The following ABCA12 variants were observed in gnomAD, a reference collection of about 807,000 sequenced individuals.
ABCA12 encodes the protein ATP binding cassette subfamily A member 12, also known as glucosylceramide transporter ABCA12.
Under a neutral mutation model 293.5 loss-of-function variants are expected in ABCA12, and 156 were observed. That is an observed-to-expected ratio of 0.53 (90% CI 0.47 to 0.61). The LOEUF (loss-of-function observed/expected upper bound fraction) is 0.61, where lower values mean the gene tolerates loss of function less well. Among genes scored for constraint, ABCA12 ranks in the 20% least tolerant of loss-of-function variants. ABCA12 has a pLI of 0.00. For synonymous variants in ABCA12, 1,063 were observed against 1,108.0 expected, an observed-to-expected ratio of 0.96 and a Z score of 0.81; for missense variants, 2,797 against 3,090.2, an observed-to-expected ratio of 0.91 and a Z score of 2.25.
chr2:215,034,091 A>G, intron 8 of ABCA12, among the ~76,000 whole-genome samples: 1 of 152,314 alleles, frequency 6.6e-6, no homozygotes, highest in South Asian at 2.1e-4. Context: ...TAAAAATGTA[A>G]TTTTATATAA....
intron 9 of ABCA12, among the ~76,000 whole-genome samples, chr2:215,031,128 A>G (rs1479569534): frequency 1.3e-5 from 2 of 152,206 alleles, no homozygotes; most frequent in African/African-American, 2.4e-5. Context: ...AATGGTCTTT[A>G]GACAGCATGG....
At chr2:215,063,926 A>G (rs1701586511) in intron 3 of ABCA12, 140 bp downstream of exon 3, 1 of 1,030,306 alleles carries the variant, frequency 9.7e-7, no homozygotes. Context: ...CTACTTTGTT[A>G]TTTCATATTT....
intron 7 of ABCA12, among the ~76,000 whole-genome samples, chr2:215,041,754 A>C (rs1181691195): frequency 6.6e-6 from 1 of 152,208 alleles, no homozygotes; most frequent in African/African-American, 2.4e-5. Context: ...CAAAATGTGG[A>C]GATAACCTAA....
chr2:215,102,670 A>G (rs1702383821), intron 2 of ABCA12, among the ~76,000 whole-genome samples: 1 of 152,202 alleles, frequency 6.6e-6, no homozygotes, highest in South Asian at 2.1e-4. Context: ...CTCAACAAGC[A>G]TCTTCCTTTT....
At chr2:215,079,263 G>A (rs1222383370) in intron 2 of ABCA12, among the ~76,000 whole-genome samples, 1 of 152,194 alleles carries the variant, frequency 6.6e-6, no homozygotes, top group Non-Finnish European at 1.5e-5. Flanking sequence ...AAATCTTCCT[G>A]TAGACAGTGG....
At chr2:215,096,398 G>A (rs1448149226) in intron 2 of ABCA12, among the ~76,000 whole-genome samples, 1 of 152,076 alleles carries the variant, frequency 6.6e-6, no homozygotes, top group Non-Finnish European at 1.5e-5. Flanking sequence ...TTCTCTAAGA[G>A]TTTTGATTTT....
chr2:215,113,741 A>G (rs1244944255), intron 1 of ABCA12, among the ~76,000 whole-genome samples: 1 of 152,130 alleles, frequency 6.6e-6, no homozygotes, highest in African/African-American at 2.4e-5. Flanking sequence ...GCTTGTTATT[A>G]ACATTTAGTA....
intron 44 of ABCA12, 91 bp downstream of exon 44, chr2:214,953,763 A>G: frequency 6.8e-7 from 1 of 1,466,932 alleles, no homozygotes; most frequent in African/African-American, 1.4e-5. Context: ...CCATATTACC[A>G]ATGGAAAAGC....
At chr2:214,969,476 T>A (rs1303423477) in intron 37 of ABCA12, among the ~76,000 whole-genome samples, 1 of 152,100 alleles carries the variant, frequency 6.6e-6, no homozygotes, top group Non-Finnish European at 1.5e-5. Flanking sequence ...CTAAATGTAG[T>A]GCTATAGAGC....
intron 11 of ABCA12, chr2:215,023,211 A>C (rs1175926425): frequency 6.6e-6 from 1 of 152,212 alleles, no homozygotes; most frequent in African/African-American, 2.4e-5. Context: ...GTTTGTCTTC[A>C]TTCTTTCAGT....
intron 8 of ABCA12, chr2:215,035,622 GC>G (rs1391636696): frequency 1.4e-5 from 2 of 139,572 alleles, no homozygotes; most frequent in African/African-American, 5.5e-5. Flanking sequence ...CCGAGATCGC[GC>G]CACTGCACTC....
chr2:214,952,892 CTCTTT>C (rs1179238679), intron 44 of ABCA12, among the ~76,000 whole-genome samples: 1 of 152,116 alleles, frequency 6.6e-6, no homozygotes, highest in Non-Finnish European at 1.5e-5. Flanking sequence ...TCTATCTCTG[CTCTTT>C]TATTTCCTCT....
At chr2:215,070,685 G>T (rs890184898) in intron 2 of ABCA12, among the ~76,000 whole-genome samples, 1 of 151,462 alleles carries the variant, frequency 6.6e-6, no homozygotes, top group African/African-American at 2.4e-5. Flanking sequence ...ATTAAAAATT[G>T]TTCATCTTAA....
chr2:214,994,770 G>T (rs1700000307), intron 23 of ABCA12, among the ~76,000 whole-genome samples: 1 of 152,140 alleles, frequency 6.6e-6, no homozygotes, highest in Admixed American at 6.5e-5. Context: ...TGTTTAATGT[G>T]AAGTACTAGG....
intron 46 of ABCA12, 113 bp from the exon 47 acceptor site, chr2:214,948,850 A>G (rs1698662647): frequency 7.5e-7 from 1 of 1,331,226 alleles, no homozygotes; most frequent in South Asian, 1.2e-5. Flanking sequence ...GACTTTGATA[A>G]AAAGGGATAA....
In ABCA12 at chr2:215,000,794, T is replaced by C; in HGVS notation, c.3090A>G (p.Arg1030=). 1 of 1,614,160 alleles carries C rather than the reference T, an allele frequency of 6.2e-7. No homozygotes were observed. The highest frequency in any genetic ancestry group is 8.5e-7 in the Non-Finnish European group (1 of 1,179,992). ...TTCCAGTTTGCAATTCAATGATTGC[T>C]CTTTCAATACTATCCTGTAAATAAA... is the stretch of plus-strand genomic sequence containing the variant. The part of the protein sequence containing the change: ...AFIYLQDSIE[R]AIIELQTGRN... The change falls in exon 22 of 53, where the codon AGA becomes AGG. Residue 1030 remains arginine, a synonymous_variant. Coordinates refer to ENST00000272895, the MANE Select transcript of ABCA12 (RefSeq NM_173076.3).
intron 11 of ABCA12, chr2:215,023,428 T>G (rs1700674123): frequency 6.6e-6 from 1 of 152,214 alleles, no homozygotes; most frequent in African/African-American, 2.4e-5. Context: ...TTTCCACTTC[T>G]GTGGCTTCTA....
chr2:215,026,992 C>T lies in ABCA12; in HGVS notation c.1062-54G>A, dbSNP rs563061190. On this transcript the variant is annotated intron_variant, in intron 9 of 52. Coordinates refer to ENST00000272895, the MANE Select transcript of ABCA12 (RefSeq NM_173076.3). ...TAAGACATATAAAAGTAAAGCAAAG[C>T]CGTTTTGTTGAGATCATTTTGGTCC... 7.5e-6 allele frequency: 10 copies of T among 1,327,794 alleles called. No homozygotes were observed. The African/African-American group carries it at 1.5e-4, about 19-fold the overall frequency. 82.3% of individuals were successfully genotyped at this position (1,327,794 alleles called of 1,614,324 possible).
At chr2:215,061,751 TA>T (rs5838484) in intron 3 of ABCA12, among the ~76,000 whole-genome samples, 28,754 of 151,870 alleles carry the variant, frequency 0.19, 2,860 homozygotes, top group East Asian at 0.35. Flanking sequence ...AAACTAAAAT[TA>T]AGTAAAGCAG....
Sources: gnomAD v4.1 joint callset for allele counts (sites outside exome capture counted in the v4.1 genomes callset) on GRCh38, gnomAD v4.1.1 for gene constraint, MANE v1.5 for transcripts, NCBI Gene and HGNC (gene_info 2026-07-23, HGNC 2026-07-21) for gene names.